Variants in APOLD1 observed in about 807,000 individuals in gnomAD.
The protein encoded by APOLD1 is apolipoprotein L domain containing 1, also known as apolipoprotein L domain-containing protein 1.
A neutral mutation model predicts 15.3 loss-of-function variants in APOLD1; 22 were observed. The ratio of observed to expected loss-of-function variants is 1.44; its 90% CI spans 1.03 to 2.05. The LOEUF (loss-of-function observed/expected upper bound fraction) is 2.05, where lower values mean the gene tolerates loss of function less well. APOLD1 is among the 30% of genes most tolerant of loss of function. The pLI is 0.00. For missense variants in APOLD1, 394 were observed against 353.5 expected (o/e 1.11, Z -0.92); for synonymous variants, 190 against 167.4 (o/e 1.13, Z -1.04).
At chr12:12,738,174 T>TCC (rs1946704351) in intron 1 of APOLD1, among the ~76,000 whole-genome samples, 1 of 148,800 alleles carries the variant, frequency 6.7e-6, no homozygotes, top group Non-Finnish European at 1.5e-5. Flanking sequence ...GGAGAGGCTC[T>TCC]CCCCATACTC....
intron 1 of APOLD1, among the ~76,000 whole-genome samples, chr12:12,771,092 G>A (rs1476846943): frequency 4.6e-5 from 7 of 152,148 alleles, no homozygotes; most frequent in African/African-American, 1.7e-4. Flanking sequence ...GCAAGAAATA[G>A]TAAAAGAATT....
chr12:12,780,491 T>TGTAC (rs1206891396), intron 1 of APOLD1, among the ~76,000 whole-genome samples: 3 of 152,042 alleles, frequency 2.0e-5, no homozygotes, highest in Non-Finnish European at 4.4e-5. Context: ...TTTTGGTGAA[T>TGTAC]GTACATATTA....
rs576232288 is a variant in APOLD1 at position 12,773,848 on chromosome 12, T to C, written c.97-13061T>C. Reference sequence around the variant, plus strand: ...CAAAAGCAAGACAATGGCGCAAAGATAGTCTTTCAACAAATGGTGCTGGAA... The same window carrying C: ...CAAAAGCAAGACAATGGCGCAAAGACAGTCTTTCAACAAATGGTGCTGGAA... On this transcript the variant is annotated intron_variant, in intron 1 of 1. Coordinates refer to the APOLD1 transcript ENST00000326765. 1.8e-4 allele frequency among the ~76,000 whole-genome samples: 27 copies of C among 152,242 alleles called. 1 individual carries two copies. In the South Asian group the frequency reaches 3.5e-3, roughly 20 times the overall value.
intron 1 of APOLD1, among the ~76,000 whole-genome samples, chr12:12,758,196 A>G (rs1257580795): frequency 6.7e-6 from 1 of 150,058 alleles, no homozygotes. Context: ...TTGGCCTCCC[A>G]AAGTGCTGGG....
upstream of APOLD1, among the ~76,000 whole-genome samples, chr12:12,784,367 T>C (rs749635581): frequency 5.3e-5 from 8 of 152,152 alleles, no homozygotes; most frequent in Non-Finnish European, 1.0e-4. Context: ...TAGAGGAGGA[T>C]ATTCTTCCAC....
chr12:12,764,351 A>G (rs556858473), intron 1 of APOLD1, among the ~76,000 whole-genome samples: 2 of 152,294 alleles, frequency 1.3e-5, no homozygotes, highest in African/African-American at 4.8e-5. Context: ...GCTTTGACCA[A>G]TATCTCCCCA....
intron 1 of APOLD1, chr12:12,771,520 C>A: frequency 2.0e-6 from 1 of 511,916 alleles, no homozygotes. Flanking sequence ...TTAATTATCT[C>A]ATTTTGTCCA....
rs551108362 is a variant in APOLD1 at position 12,774,348 on chromosome 12, C to T, written c.97-12561C>T. The stretch of plus-strand genomic sequence containing the variant: ...TCACTTTGGGTCAGGAGTTTGAGAC[C>T]AGCCTGGCCAACATGGTGAAACCCC... On this transcript the variant is annotated intron_variant, in intron 1 of 1. Coordinates refer to the APOLD1 transcript ENST00000326765. Among the ~76,000 whole-genome samples the T allele has an allele frequency of 1.6e-4, 24 of 151,644 alleles. 1 individual carries two copies. In the South Asian group the frequency reaches 5.0e-3, roughly 32 times the overall value.
intron 1 of APOLD1, among the ~76,000 whole-genome samples, chr12:12,753,536 G>A (rs1426796709): frequency 6.6e-6 from 1 of 152,014 alleles, no homozygotes; most frequent in African/African-American, 2.4e-5. Flanking sequence ...AGGCATGGTG[G>A]TGTGTGCCTG....
At chr12:12,760,118 C>T (rs559917260) in intron 1 of APOLD1, among the ~76,000 whole-genome samples, 2 of 152,316 alleles carry the variant, frequency 1.3e-5, no homozygotes, top group African/African-American at 4.8e-5. Flanking sequence ...AGGCGGATCA[C>T]TTGAGCCTAG....
chr12:12,758,246 A>G (rs1038834192), intron 1 of APOLD1, among the ~76,000 whole-genome samples: 4 of 151,696 alleles, frequency 2.6e-5, no homozygotes, highest in African/African-American at 9.7e-5. Flanking sequence ...TAATTCAATT[A>G]TCTTAAAAAC....
chr12:12,781,688 C>T (rs11055066), upstream of APOLD1, among the ~76,000 whole-genome samples: 211 of 151,468 alleles, frequency 1.4e-3, 6 homozygotes, highest in East Asian at 0.034. Flanking sequence ...CCACCATGCC[C>T]GGCTAATTTT....
In APOLD1 at chr12:12,785,668, T is replaced by C. The variant is rs965617968; in HGVS notation, c.-24T>C. ...ATCCAGAAACAGCCTCAGATTTTAC[T>C]TTCCTGGAGGCAGACAGAAGTGAAT... On this transcript the variant is annotated 5_prime_UTR_variant, in exon 1 of 2. Transcript: ENST00000356591. The C allele has an allele frequency of 1.5e-5, 24 of 1,614,086 alleles. No homozygotes were observed. Among genetic ancestry groups the C allele is most frequent in the Non-Finnish European group, 1.9e-5 (23 of 1,180,036 alleles).
chr12:12,746,597 G>A (rs1182427207), intron 1 of APOLD1, among the ~76,000 whole-genome samples: 1 of 152,114 alleles, frequency 6.6e-6, no homozygotes, highest in Non-Finnish European at 1.5e-5. Flanking sequence ...TCTTCATAAA[G>A]AATTTTAAAA....
intron 1 of APOLD1, among the ~76,000 whole-genome samples, chr12:12,772,861 G>T (rs1946999657): frequency 6.6e-6 from 1 of 152,206 alleles, no homozygotes; most frequent in South Asian, 2.1e-4. Flanking sequence ...TATACTTGGA[G>T]ATTGAACAAT....
At chr12:12,761,918 C>G (rs1044279724) in intron 1 of APOLD1, among the ~76,000 whole-genome samples, 5 of 149,384 alleles carry the variant, frequency 3.3e-5, no homozygotes, top group Admixed American at 1.4e-4. Context: ...TCACTGCAAC[C>G]TTCAACTCCT....
At chr12:12,785,767 C>A in intron 1 of APOLD1, 73 bp downstream of exon 1, 1 of 1,443,760 alleles carries the variant, frequency 6.9e-7, no homozygotes, top group Non-Finnish European at 9.8e-7. Flanking sequence ...GGAAAATTAT[C>A]CCTGGTGGGT....
At chr12:12,749,687 C>G (rs1001215429) in intron 1 of APOLD1, among the ~76,000 whole-genome samples, 1 of 152,174 alleles carries the variant, frequency 6.6e-6, no homozygotes, top group Non-Finnish European at 1.5e-5. Flanking sequence ...CATGAGGTGA[C>G]CACCAAGTGG....
At chr12:12,763,395 A>T (rs1235532003) in intron 1 of APOLD1, among the ~76,000 whole-genome samples, 12 of 152,128 alleles carry the variant, frequency 7.9e-5, no homozygotes, top group East Asian at 1.9e-4. Context: ...GTACCTTATT[A>T]AAAAAAGTGT....
Sources: gnomAD v4.1 joint callset for allele counts (sites outside exome capture counted in the v4.1 genomes callset) on GRCh38, gnomAD v4.1.1 for gene constraint, MANE v1.5 for transcripts, NCBI Gene and HGNC (gene_info 2026-07-23, HGNC 2026-07-21) for gene names.